The following LCORL variants were observed in gnomAD, a reference collection of about 807,000 sequenced individuals.
LCORL encodes the protein ligand-dependent nuclear receptor corepressor-like protein.
LCORL carries 41 observed loss-of-function variants against 141.8 expected under a neutral mutation model. That is an observed-to-expected ratio of 0.29 (90% CI 0.23 to 0.38). The LOEUF (loss-of-function observed/expected upper bound fraction) is 0.38, where lower values mean the gene tolerates loss of function less well. LCORL is among the 10% of genes least tolerant of loss of function. The pLI is 1.00. For synonymous variants in LCORL, 618 were observed against 694.1 expected (o/e 0.89, Z 1.72); for missense variants, 1,759 against 2,035.0 (o/e 0.86, Z 2.61).
At chr4:17,922,713 G>C (rs890401910) in intron 4 of LCORL, among the ~76,000 whole-genome samples, 6 of 152,168 alleles carry the variant, frequency 3.9e-5, no homozygotes, top group African/African-American at 1.4e-4. Context: ...AAGGTATCTA[G>C]TGTTAAAGTG....
In LCORL at chr4:17,845,919, A is replaced by C. The variant is rs1284732580; in HGVS notation, c.5603-18T>G. ...GTAGCATGCTGGAAGAAAAAGTGTA[A>C]GGCATTTTAGTTTTACTTTAATTTC... On this transcript the variant is annotated intron_variant, in intron 7 of 7. Transcript: ENST00000635767. 2 of 1,573,946 alleles carry C rather than the reference A, an allele frequency of 1.3e-6. No individual in the cohort carries two copies. Among genetic ancestry groups the C allele is most frequent in the Middle Eastern group, 1.7e-4 (1 of 5,854 alleles).
At chr4:17,887,534 A>G (rs1000862234) in intron 5 of LCORL, among the ~76,000 whole-genome samples, 1 of 152,190 alleles carries the variant, frequency 6.6e-6, no homozygotes, top group African/African-American at 2.4e-5. Flanking sequence ...GGGCTGTGAT[A>G]TGGAACCATG....
chr4:17,963,057 AG>A lies in LCORL; in HGVS notation c.221-9del. On this transcript the variant is annotated splice_polypyrimidine_tract_variant and intron_variant, in intron 2 of 7. Coordinates refer to ENST00000635767, the Ensembl canonical transcript of LCORL. ...GCTCTTCTGGTTCACAGTCTTTAAA[AG>A]AGGGAAAAAATTCATTAAATATACT... 6.5e-7 allele frequency: 1 copy of A among 1,544,644 alleles called. No individual in the cohort carries two copies.
At chr4:17,954,919 T>C (rs934231895) in intron 4 of LCORL, among the ~76,000 whole-genome samples, 7 of 152,180 alleles carry the variant, frequency 4.6e-5, no homozygotes, top group African/African-American at 7.2e-5. Context: ...TTAGCCACTG[T>C]AGTGAAGAAT....
chr4:17,914,456 ACT>A (rs1733070071), intron 4 of LCORL, among the ~76,000 whole-genome samples: 1 of 152,142 alleles, frequency 6.6e-6, no homozygotes, highest in African/African-American at 2.4e-5. Context: ...ACATAGTGCT[ACT>A]CTGTTTTATT....
At chr4:17,976,303 T>C (rs1716954765) in intron 1 of LCORL, among the ~76,000 whole-genome samples, 1 of 152,214 alleles carries the variant, frequency 6.6e-6, no homozygotes, top group Non-Finnish European at 1.5e-5. Context: ...TCTAATTTGC[T>C]ATTTATTTCC....
At chr4:17,953,894 T>C (rs1421098962) in intron 4 of LCORL, among the ~76,000 whole-genome samples, 1 of 152,188 alleles carries the variant, frequency 6.6e-6, no homozygotes, top group Admixed American at 6.5e-5. Context: ...CCAGGCGCGG[T>C]GGCTCACGCC....
chr4:17,851,790 A>G (rs558366215), intron 7 of LCORL, among the ~76,000 whole-genome samples: 3 of 152,206 alleles, frequency 2.0e-5, no homozygotes, highest in Non-Finnish European at 2.9e-5. Context: ...CTAACCAACA[A>G]TGTGTGAAGA....
chr4:17,859,587 T>C (rs6854334), intron 7 of LCORL, among the ~76,000 whole-genome samples: 34,182 of 152,050 alleles, frequency 0.22, 4,938 homozygotes, highest in African/African-American at 0.41. Context: ...GCACTAGAAA[T>C]GATAAATTCA....
intron 2 of LCORL, among the ~76,000 whole-genome samples, chr4:17,966,028 G>C (rs1462126447): frequency 6.6e-6 from 1 of 152,002 alleles, no homozygotes; most frequent in Admixed American, 6.6e-5. Context: ...CTGAGGGAAA[G>C]ATACTAATCC....
chr4:17,971,792 A>G (rs1466347149), intron 2 of LCORL, among the ~76,000 whole-genome samples: 2 of 151,748 alleles, frequency 1.3e-5, no homozygotes, highest in Non-Finnish European at 3.0e-5. Flanking sequence ...GATAATTAAA[A>G]AATTTATAAG....
intron 1 of LCORL, among the ~76,000 whole-genome samples, chr4:17,985,270 T>G (rs1718761124): frequency 6.6e-6 from 1 of 152,140 alleles, no homozygotes; most frequent in Non-Finnish European, 1.5e-5. Context: ...GAGAGTCCCG[T>G]AGAGGTCTAT....
intron 4 of LCORL, among the ~76,000 whole-genome samples, chr4:17,918,086 G>A (rs1298268382): frequency 1.3e-5 from 2 of 152,186 alleles, no homozygotes; most frequent in Admixed American, 1.3e-4. Context: ...GGAAACATCT[G>A]TTCAATCATT....
At chr4:17,997,947 A>T (rs897206307) in intron 1 of LCORL, among the ~76,000 whole-genome samples, 2 of 152,160 alleles carry the variant, frequency 1.3e-5, no homozygotes, top group African/African-American at 4.8e-5. Flanking sequence ...TTAAAAATGG[A>T]AACACATTCT....
rs75026855 is a variant in LCORL at position 17,846,843 on chromosome 4, A to G, written c.5603-942T>C. On this transcript the variant is annotated intron_variant, in intron 7 of 7. Coordinates refer to ENST00000635767, the Ensembl canonical transcript of LCORL. ...CATCTCTGAACTTGCTCTCAGTAAA[A>G]CATTGCATTGGATTGTGAACTATTT... 3.9e-3 allele frequency among the ~76,000 whole-genome samples: 596 copies of G among 152,280 alleles called. 15 individuals carry two copies. In the East Asian group the frequency reaches 0.059, roughly 15 times the overall value.
At chr4:17,961,445 A>G (rs1394841790) in intron 4 of LCORL, among the ~76,000 whole-genome samples, 2 of 152,118 alleles carry the variant, frequency 1.3e-5, no homozygotes, top group African/African-American at 2.4e-5. Flanking sequence ...AAAGTTACCA[A>G]ATAAATATTG....
chr4:17,936,574 G>A (rs1210953021), intron 4 of LCORL, among the ~76,000 whole-genome samples: 1 of 152,128 alleles, frequency 6.6e-6, no homozygotes, highest in African/African-American at 2.4e-5. Flanking sequence ...ATAGTTTGAA[G>A]AAAAAGTTCA....
At chr4:18,014,796 C>T (rs112278005) in intron 1 of LCORL, among the ~76,000 whole-genome samples, 2,178 of 152,288 alleles carry the variant, frequency 0.014, 20 homozygotes, top group Middle Eastern at 0.02. Flanking sequence ...TAGCAGTAGG[C>T]TGGTCTGGGC....
chr4:17,905,654 T>A (rs1731492213), intron 5 of LCORL, among the ~76,000 whole-genome samples: 1 of 152,136 alleles, frequency 6.6e-6, no homozygotes, highest in African/African-American at 2.4e-5. Context: ...GAGAATTTCA[T>A]AAACTTATGG....
Sources: gnomAD v4.1 joint callset for allele counts (sites outside exome capture counted in the v4.1 genomes callset) on GRCh38, gnomAD v4.1.1 for gene constraint, MANE v1.5 for transcripts, NCBI Gene and HGNC (gene_info 2026-07-23, HGNC 2026-07-21) for gene names.